Variants in MTMR12 observed in about 807,000 individuals in gnomAD.
The protein encoded by MTMR12 is myotubularin related protein 12, also known as myotubularin-related protein 12.
In MTMR12, 33 loss-of-function variants were observed where a neutral mutation model predicts 96.7. That is an observed-to-expected ratio of 0.34 (90% confidence interval 0.26 to 0.46). The LOEUF (loss-of-function observed/expected upper bound fraction) is 0.46. Ranked by LOEUF, MTMR12 falls within the 20% of genes least tolerant of loss-of-function variation. The pLI is 1.00. For missense variants in MTMR12, 721 were observed against 896.1 expected (o/e 0.80, Z 2.49); for synonymous variants, 298 against 327.2 (o/e 0.91, Z 0.96).
chr5:32,307,713 G>T (rs78283629), intron 1 of MTMR12, among the ~76,000 whole-genome samples: 2,230 of 152,182 alleles, frequency 0.015, 38 homozygotes, highest in East Asian at 0.07. Flanking sequence ...CTCATTTTAC[G>T]CTGTCCGATG....
intron 2 of MTMR12, among the ~76,000 whole-genome samples, chr5:32,275,383 C>T (rs1315846384): frequency 6.6e-6 from 1 of 152,228 alleles, no homozygotes; most frequent in East Asian, 1.9e-4. Flanking sequence ...GCAAGGCTTC[C>T]TGTGCTTTCA....
At chr5:32,266,201 TTTTTGTTTTG>T (rs143947745) in intron 6 of MTMR12, among the ~76,000 whole-genome samples, 3 of 151,918 alleles carry the variant, frequency 2.0e-5, no homozygotes, top group Admixed American at 6.6e-5. Flanking sequence ...TGACTTTACG[TTTTTGTTTTG>T]TTTTGTTTTG....
rs117396750 is a variant in MTMR12, at chr5:32,253,862, G to A, written c.789+1831C>T. Among the ~76,000 whole-genome samples the A allele has an allele frequency of 1.2e-3, 178 of 152,296 alleles. No homozygotes were observed. In the East Asian group the frequency reaches 0.028, roughly 24 times the overall value. On this transcript the variant is annotated intron_variant, in intron 8 of 15. Transcript: ENST00000382142. Reference sequence around the variant, plus strand: ...TGATCTCAAACTCCCGGGTTCAAGCGATCTGCCTGCCTCGGTCTCCCAACG... The same window carrying A: ...TGATCTCAAACTCCCGGGTTCAAGCAATCTGCCTGCCTCGGTCTCCCAACG...
intron 10 of MTMR12, among the ~76,000 whole-genome samples, chr5:32,245,795 TCCAGCCTGGGCAA>T (rs1748655246): frequency 6.6e-6 from 1 of 151,888 alleles, no homozygotes; most frequent in Non-Finnish European, 1.5e-5. Flanking sequence ...ACCACTGCAC[TCCAGCCTGGGCAA>T]CAGAGTGAGA....
In MTMR12 at chr5:32,239,083, C is replaced by A; in HGVS notation, c.1262G>T (p.Ser421Ile). 1 of 1,610,350 alleles carries A rather than the reference C, an allele frequency of 6.2e-7. No individual in the cohort carries two copies. The highest frequency in any genetic ancestry group is 8.5e-7 in the Non-Finnish European group (1 of 1,178,334). The change falls in exon 13 of 16, where the codon AGC becomes ATC. Residue 421 changes from serine (S) to isoleucine (I), a missense_variant. Ser to Ile is a moderately radical substitution (Grantham distance 142). Coordinates refer to ENST00000382142, the MANE Select transcript of MTMR12 (RefSeq NM_001040446.3). ...CATGACCCACTCCTTTTGGATGAGG[C>A]TCTGGAAACCAATTCTGGTTCTGCA... ...PHCRTRIGFQ[S>I]LIQKEWVMGG...
In MTMR12 at chr5:32,255,716, G is replaced by A. The variant is rs201778330; in HGVS notation, c.766C>T (p.Arg256Cys). ...ACTGGTATGCCATGACCCTGAAAGC[G>A]CTGCACATTCTCTTCAGGAAGAGGG... ...PTPLPEENVQ[R>C]FQGHGIPIWC... The change falls in exon 8 of 16, where the codon CGC becomes TGC. Residue 256 changes from arginine to cysteine, a missense_variant. Transcript: ENST00000382142. The A allele has an allele frequency of 5.6e-6, 9 of 1,612,486 alleles. No homozygotes were observed. The highest frequency in any genetic ancestry group is 2.7e-5 in the African/African-American group (2 of 74,990).
At chr5:32,278,716 G>A (rs1318984762) in intron 1 of MTMR12, among the ~76,000 whole-genome samples, 2 of 152,192 alleles carry the variant, frequency 1.3e-5, no homozygotes, top group Non-Finnish European at 1.5e-5. Flanking sequence ...TGATTCTGAT[G>A]TACTGGTCTG....
At chr5:32,300,899 AC>A (rs1751114657) in intron 1 of MTMR12, among the ~76,000 whole-genome samples, 1 of 152,092 alleles carries the variant, frequency 6.6e-6, no homozygotes, top group Admixed American at 6.6e-5. Flanking sequence ...ACATGGTGAA[AC>A]CCCATCTCTA....
intron 15 of MTMR12, among the ~76,000 whole-genome samples, 175 bp from the exon 16 acceptor site, chr5:32,230,522 G>T (rs1413095057): frequency 6.6e-6 from 1 of 152,224 alleles, no homozygotes; most frequent in Non-Finnish European, 1.5e-5. Flanking sequence ...GGGTATTCCT[G>T]TGTATTGCCA....
chr5:32,254,211 C>T lies in MTMR12; in HGVS notation c.789+1482G>A, dbSNP rs527640671. On this transcript the variant is annotated intron_variant, in intron 8 of 15. Transcript: ENST00000382142. The stretch of plus-strand genomic sequence containing the variant: ...TTTTCGAAGTGTAGTATACACTACG[C>T]TGGGAGGTCTCAAGATCCTTTCAGG... Among the ~76,000 whole-genome samples the T allele has an allele frequency of 2.0e-3, 307 of 152,332 alleles. 2 individuals are homozygous for T. The highest frequency in any genetic ancestry group is 7.2e-3 in the African/African-American group (298 of 41,576).
chr5:32,255,786 C>A lies in MTMR12; in HGVS notation c.714-18G>T. The A allele has an allele frequency of 6.3e-7, 1 of 1,595,542 alleles. No homozygotes were observed. The highest frequency in any genetic ancestry group is 1.1e-5 in the South Asian group (1 of 88,578). The stretch of plus-strand genomic sequence containing the variant: ...CTGGCAATCTAGAAGAAAGAAATGT[C>A]ATCAAGTTTTAGTACAACACTTAAT... On this transcript the variant is annotated intron_variant, in intron 7 of 15. Coordinates refer to ENST00000382142, the MANE Select transcript of MTMR12 (RefSeq NM_001040446.3).
chr5:32,298,774 C>T (rs1362269723), intron 1 of MTMR12, among the ~76,000 whole-genome samples: 2 of 151,612 alleles, frequency 1.3e-5, no homozygotes, highest in African/African-American at 2.4e-5. Context: ...CAGTGAAACC[C>T]CGTCTCTACT....
chr5:32,259,960 T>C (rs955751042), intron 7 of MTMR12, among the ~76,000 whole-genome samples: 4 of 139,768 alleles, frequency 2.9e-5, no homozygotes, highest in East Asian at 4.2e-4. Context: ...CGCTTGAACC[T>C]GGGAGGCGGA....
At chr5:32,300,357 T>C (rs1028520127) in intron 1 of MTMR12, among the ~76,000 whole-genome samples, 1 of 152,280 alleles carries the variant, frequency 6.6e-6, no homozygotes, top group Middle Eastern at 3.4e-3. Context: ...AAGTCTCGGA[T>C]AGGTGAAGTT....
intron 1 of MTMR12, among the ~76,000 whole-genome samples, chr5:32,299,655 G>A (rs377241947): frequency 1.2e-4 from 19 of 152,174 alleles, no homozygotes; most frequent in African/African-American, 4.6e-4. Flanking sequence ...GGCTCACTAA[G>A]GGCCAGACTG....
At position 32,230,348 on chromosome 5, in the gene MTMR12, C is replaced by T. The variant is rs1747946619; in HGVS notation, c.1675-1G>A. On this transcript the variant is annotated splice_acceptor_variant, in intron 15 of 15. Transcript: ENST00000382142. LOFTEE classifies it high-confidence loss of function. ...GTGGCAAAGAAAGTTGTCGTTGATG[C>T]TTTGAGAGAAAACACAAATAAAAAT... The T allele has an allele frequency of 6.3e-7, 1 of 1,594,378 alleles. No homozygotes were observed. The highest frequency in any genetic ancestry group is 2.2e-5 in the East Asian group (1 of 44,740).
intron 12 of MTMR12, among the ~76,000 whole-genome samples, chr5:32,240,363 C>T (rs1181984135): frequency 6.7e-6 from 1 of 148,536 alleles, no homozygotes; most frequent in Non-Finnish European, 1.5e-5. Context: ...CGCACCATTG[C>T]ACTCCAGCCT....
chr5:32,243,972 G>A (rs2112009033), intron 10 of MTMR12, among the ~76,000 whole-genome samples: 1 of 152,320 alleles, frequency 6.6e-6, no homozygotes, highest in Non-Finnish European at 1.5e-5. Context: ...GATCCATCCT[G>A]ATGCCACGGA....
Position 32,312,670 on chromosome 5 carries a change from G to A in MTMR12, c.81+88C>T. The A allele has an allele frequency of 8.4e-7, 1 of 1,196,412 alleles. No individual in the cohort carries two copies. The highest frequency in any genetic ancestry group is 1.1e-6 in the Non-Finnish European group (1 of 937,752). The allele number at this position is 1,196,412 out of a possible 1,614,324, so 74.1% of individuals were successfully genotyped here. A position where few individuals can be genotyped will look rare whatever the true frequency, so the allele number is the denominator to read the frequency against. ...GGCACAAGGGCAGGAAGCGCTCCGC[G>A]GCGCTCCCCGCTGCAAGGAAGGGGC... On this transcript the variant is annotated intron_variant, in intron 1 of 15. Coordinates refer to ENST00000382142, the MANE Select transcript of MTMR12 (RefSeq NM_001040446.3). The surrounding 1 kb of genome is among the most constrained non-coding windows in gnomAD (Gnocchi z 5.0).
Sources: gnomAD v4.1 joint callset for allele counts (sites outside exome capture counted in the v4.1 genomes callset) on GRCh38, gnomAD v4.1.1 for gene constraint, Gnocchi (gnomAD v3.1) non-coding constraint, MANE v1.5 for transcripts, NCBI Gene and HGNC (gene_info 2026-07-23, HGNC 2026-07-21) for gene names.